Variants in OTOGL observed in about 807,000 individuals in gnomAD.
OTOGL encodes the protein otogelin like.
A neutral mutation model predicts 318.5 loss-of-function variants in OTOGL; 285 were observed. The ratio of observed to expected loss-of-function variants is 0.89; its 90% CI spans 0.81 to 0.99. The LOEUF (loss-of-function observed/expected upper bound fraction) is 0.99, where lower values mean the gene tolerates loss of function less well. Ranked by LOEUF, OTOGL falls within the 50% of genes least tolerant of loss-of-function variation. The pLI is 0.00. For synonymous variants in OTOGL, 987 were observed against 936.5 expected (o/e 1.05, Z -0.99); for missense variants, 2,899 against 2,845.6 (o/e 1.02, Z -0.43).
intron 21 of OTOGL, 107 bp downstream of exon 21, chr12:80,266,723 T>C: frequency 8.9e-7 from 1 of 1,124,228 alleles, no homozygotes; most frequent in African/African-American, 1.6e-5. Flanking sequence ...TCTTATTGTC[T>C]TTACTTTTTT....
chr12:80,270,214 C>A, intron 23 of OTOGL, 60 bp downstream of exon 23: 1 of 1,378,228 alleles, frequency 7.3e-7, no homozygotes, highest in Non-Finnish European at 1.0e-6. Flanking sequence ...ACCTCCACTC[C>A]TGGCAGAAGT....
intron 1 of OTOGL, chr12:80,131,052 C>G (rs575253056): frequency 6.6e-6 from 1 of 152,180 alleles, no homozygotes; most frequent in Admixed American, 6.5e-5. Context: ...GCTGGAAGAT[C>G]AGGGTTGAGA....
At chr12:80,164,111 G>A (rs2137200114) in intron 1 of OTOGL, among the ~76,000 whole-genome samples, 1 of 152,224 alleles carries the variant, frequency 6.6e-6, no homozygotes, top group South Asian at 2.1e-4. Context: ...GTGAAAATTG[G>A]CTATCTAGCT....
chr12:80,155,774 T>C (rs1008658266), intron 1 of OTOGL, among the ~76,000 whole-genome samples: 3 of 152,168 alleles, frequency 2.0e-5, no homozygotes, highest in Non-Finnish European at 2.9e-5. Context: ...TCTCCACTCA[T>C]TTTCTCAGCC....
Position 80,335,996 on chromosome 12 carries a change from C to T in OTOGL, c.4456C>T (p.Gln1486Ter), listed in dbSNP as rs768995153. 6.3e-7 allele frequency: 1 copy of T among 1,594,918 alleles called. No individual in the cohort carries two copies. The highest frequency in any genetic ancestry group is 8.5e-7 in the Non-Finnish European group (1 of 1,177,866). The change falls in exon 39 of 59, where the codon CAA becomes TAA. Residue 1486 changes from glutamine to a stop codon, truncating the protein, a stop_gained. Transcript: ENST00000547103. LOFTEE classifies it high-confidence loss of function. ...ATTTGATCCTGTTTATGATTGTAGC[C>T]AATACATATGCCTTAATATGGAATG... ...QKFDPVYDCS[Q>*]YICLNMEWQL...
chr12:80,179,191 G>A (rs1475057626), intron 1 of OTOGL, among the ~76,000 whole-genome samples: 1 of 152,176 alleles, frequency 6.6e-6, no homozygotes, highest in Admixed American at 6.5e-5. Context: ...GAATACTCGA[G>A]CTTTCTTATT....
At chr12:80,368,583 G>T (rs1469114361) in intron 55 of OTOGL, among the ~76,000 whole-genome samples, 2 of 152,104 alleles carry the variant, frequency 1.3e-5, no homozygotes, top group East Asian at 3.8e-4. Context: ...GGGAAATGCT[G>T]ATCGTGAAAG....
chr12:80,162,638 C>T (rs898926401), intron 1 of OTOGL, among the ~76,000 whole-genome samples: 2 of 152,064 alleles, frequency 1.3e-5, no homozygotes, highest in African/African-American at 4.8e-5. Context: ...CCCCCTGTCT[C>T]TTCACATAGT....
At chr12:80,170,889 A>T (rs750287786) in intron 1 of OTOGL, among the ~76,000 whole-genome samples, 2 of 152,204 alleles carry the variant, frequency 1.3e-5, no homozygotes, top group Non-Finnish European at 2.9e-5. Flanking sequence ...AGTTTAATTT[A>T]TCAATTTTTC....
At chr12:80,108,156 G>A (rs1356427069) in intron 1 of OTOGL, among the ~76,000 whole-genome samples, 4 of 152,050 alleles carry the variant, frequency 2.6e-5, no homozygotes. Context: ...TTGGCAAATA[G>A]ATTTATTTTT....
At chr12:80,168,669 C>T (rs372799112) in intron 1 of OTOGL, among the ~76,000 whole-genome samples, 42 of 152,196 alleles carry the variant, frequency 2.8e-4, no homozygotes, top group African/African-American at 9.1e-4. Context: ...TGTTGGCAGA[C>T]GTGGAAGATA....
intron 1 of OTOGL, among the ~76,000 whole-genome samples, chr12:80,127,307 G>T (rs1199437397): frequency 6.6e-6 from 1 of 152,028 alleles, no homozygotes; most frequent in African/African-American, 2.4e-5. Context: ...ATGAAGCTTA[G>T]TTTGGCTGGA....
At chr12:80,370,905 A>G (rs1890842239) in intron 56 of OTOGL, 1 of 272,548 alleles carries the variant, frequency 3.7e-6, no homozygotes, top group Admixed American at 5.2e-5. Context: ...ATACTGTGCA[A>G]TCGTTGGGTT....
chr12:80,105,662 T>C (rs374191891), intron 1 of OTOGL, among the ~76,000 whole-genome samples: 38 of 152,178 alleles, frequency 2.5e-4, no homozygotes, highest in African/African-American at 8.2e-4. Flanking sequence ...AACCTTAATG[T>C]TAATACAATA....
Position 80,278,243 on chromosome 12 carries a change from A to G in OTOGL, c.2757A>G (p.Ser919=), listed in dbSNP as rs1373301573. The part of the protein sequence containing the change: ...PCIWKDWEYL[S]GEVIATPCYT... ...TTTGGAAAGATTGGGAGTATCTCTCAGGAGAAGTGATTGCTACACCGTGTT... is the reference window on the plus strand; with the variant it reads ...TTTGGAAAGATTGGGAGTATCTCTCGGGAGAAGTGATTGCTACACCGTGTT... Residue 919 remains serine (S), a synonymous_variant, in exon 25 of 59, where the codon TCA becomes TCG. Transcript: ENST00000547103. The G allele has an allele frequency of 5.2e-6, 8 of 1,545,718 alleles. No homozygotes were observed. The highest frequency in any genetic ancestry group is 1.4e-5 in the African/African-American group (1 of 72,904).
chr12:80,323,097 T>TACAC (rs200949284), intron 34 of OTOGL, among the ~76,000 whole-genome samples: 28 of 127,154 alleles, frequency 2.2e-4, no homozygotes, highest in African/African-American at 6.1e-4. Context: ...GAAAACCCAC[T>TACAC]ACACACACAC....
rs779766086 is a variant in OTOGL, at chr12:80,370,630, G to A, written c.6676G>A (p.Ala2226Thr). ...TYECVKTDEG[A>T]IILNYTMVCP... Reference sequence around the variant, plus strand: ...TGAATGTGTTAAAACTGATGAAGGAGCAATAATTCTGAACTACACAATGGT... The same window carrying A: ...TGAATGTGTTAAAACTGATGAAGGAACAATAATTCTGAACTACACAATGGT... The change falls in exon 56 of 59, where the codon GCA (alanine) becomes ACA (threonine). Residue 2226 changes from alanine to threonine, a missense_variant. By Grantham distance (58) the Ala-to-Thr change is moderately conservative (BLOSUM62 0). Coordinates refer to ENST00000547103, the MANE Select transcript of OTOGL (RefSeq NM_001378609.3). 19 of 1,591,456 alleles carry A rather than the reference G, an allele frequency of 1.2e-5. No individual in the cohort carries two copies. The highest frequency in any genetic ancestry group is 1.7e-4 in the Middle Eastern group (1 of 6,018).
chr12:80,100,299 T>C (rs1452119181), intron 1 of OTOGL, among the ~76,000 whole-genome samples: 2 of 152,170 alleles, frequency 1.3e-5, no homozygotes, highest in East Asian at 1.9e-4. Flanking sequence ...ATGGTTGCCC[T>C]ATTAAGCCAC....
intron 22 of OTOGL, among the ~76,000 whole-genome samples, chr12:80,269,382 G>T (rs1366496307): frequency 6.6e-6 from 1 of 152,090 alleles, no homozygotes; most frequent in Non-Finnish European, 1.5e-5. Context: ...AATGTAAGTT[G>T]CAAGGAAGCT....
Sources: allele counts gnomAD v4.1 joint callset (sites outside exome capture counted in the v4.1 genomes callset), GRCh38; gene constraint gnomAD v4.1.1; transcripts MANE v1.5; gene names NCBI Gene and HGNC (gene_info 2026-07-23, HGNC 2026-07-21).